Variants in VILL observed in about 807,000 individuals in gnomAD.
VILL encodes the protein villin like.
A neutral mutation model predicts 106.3 loss-of-function variants in VILL; 102 were observed. The ratio of observed to expected loss-of-function variants is 0.96; its 90% confidence interval spans 0.82 to 1.13. The LOEUF is 1.13. VILL is among the 50% of genes most tolerant of loss of function. The pLI is 0.00. For synonymous variants in VILL, 431 were observed against 440.3 expected, an observed-to-expected ratio of 0.98 and a Z score of 0.27; for missense variants, 1,076 against 1,116.6, an observed-to-expected ratio of 0.96 and a Z score of 0.52.
chr3:38,003,078 C>T (rs1346378324), intron 14 of VILL, 90 bp from the exon 15 acceptor site: 1 of 1,497,824 alleles, frequency 6.7e-7, no homozygotes, highest in Non-Finnish European at 8.9e-7. Context: ...TTGGGCCCAG[C>T]CCCACCCCAT....
chr3:38,001,979 T>TTCCTGCTTATCATCCCCTAGTG, intron 13 of VILL, 119 bp downstream of exon 13: 1 of 1,490,038 alleles, frequency 6.7e-7, no homozygotes, highest in Non-Finnish European at 9.1e-7. Flanking sequence ...ATCCCCTAGT[T>TTCCTGCTTATCATCCCCTAGTG]TCCCAGAGCT....
Position 38,004,275 on chromosome 3 carries a change from G to C in VILL, c.1826G>C (p.Ser609Thr). The change falls in exon 16 of 20, where the codon AGC becomes ACC. Residue 609 changes from serine to threonine, a missense_variant. Transcript: ENST00000383759. ...GCCAGGCTCCCTGAGGAGGTCCCCA[G>C]CTTCCAGCCACGACTGTTTGAGTGC... ...SNKRLPEEVPSFQPRLFECSS... is the reference protein window; with the variant it reads ...SNKRLPEEVPTFQPRLFECSS... 1 of 1,612,788 alleles carries C rather than the reference G, an allele frequency of 6.2e-7. No individual in the cohort carries two copies. The highest frequency in any genetic ancestry group is 8.5e-7 in the Non-Finnish European group (1 of 1,178,868).
intron 19 of VILL, 81 bp from the exon 20 acceptor site, chr3:38,006,861 T>G: frequency 1.3e-6 from 2 of 1,511,910 alleles, no homozygotes; most frequent in Middle Eastern, 3.5e-4. Flanking sequence ...AAGCCCTGGA[T>G]GACTGACACT....
intron 18 of VILL, 59 bp from the exon 19 acceptor site, chr3:38,006,390 G>A (rs566820819): frequency 1.5e-5 from 23 of 1,585,030 alleles, no homozygotes; most frequent in Non-Finnish European, 1.8e-5. Context: ...GTTCAGTGCA[G>A]CCTCCCTGTG....
intron 12 of VILL, 46 bp downstream of exon 12, chr3:38,001,639 C>T (rs1292681024): frequency 1.2e-5 from 19 of 1,613,346 alleles, no homozygotes; most frequent in Non-Finnish European, 1.5e-5. Context: ...AGCCCAAGGG[C>T]TGGGCTCTGG....
rs751057004 is a variant in VILL at position 38,003,215 on chromosome 3, C to T, written c.1707C>T (p.Val569=). The change falls in exon 15 of 20, where the codon GTC becomes GTT. Residue 569 remains valine, a synonymous_variant. Transcript: ENST00000383759. ...QREMARVVVT[V]ISRKNEETVL... is the part of the protein sequence containing the mutation. ...AGATGGCACGGGTGGTGGTCACTGT[C>T]ATTTCCAGGAAGAATGAGGAAACGG... 1.4e-5 allele frequency: 23 copies of T among 1,613,916 alleles called. No homozygotes were observed. Among genetic ancestry groups the T allele is most frequent in the Middle Eastern group, 1.6e-4 (1 of 6,082 alleles).
At chr3:37,991,592 G>C (rs956176067) in intron 1 of VILL, among the ~76,000 whole-genome samples, 2 of 152,014 alleles carry the variant, frequency 1.3e-5, no homozygotes, top group African/African-American at 4.8e-5. Flanking sequence ...GGGGCATGGG[G>C]AGAGAAAGGG....
At position 38,003,267 on chromosome 3, in the gene VILL, T is replaced by C; in HGVS notation, c.1759T>C (p.Phe587Leu). 6.2e-7 allele frequency: 1 copy of C among 1,613,558 alleles called. No individual in the cohort carries two copies. The highest frequency in any genetic ancestry group is 8.5e-7 in the Non-Finnish European group (1 of 1,179,792). Residue 587 changes from phenylalanine (F) to leucine (L), a missense_variant, in exon 15 of 20, where the codon TTC (phenylalanine) becomes CTC (leucine). Phe to Leu is a conservative substitution (Grantham distance 22, BLOSUM62 0). Transcript: ENST00000383759. ...GCTGGAGGGTCAGGAGCCTCCCCACTTCTGGGAGGCCCTGGGAGGCCGGGC... is the reference window on the plus strand; with the variant it reads ...GCTGGAGGGTCAGGAGCCTCCCCACCTCTGGGAGGCCCTGGGAGGCCGGGC... Reference protein sequence around the residue: ...TVLEGQEPPHFWEALGGRAPY... With the variant: ...TVLEGQEPPHLWEALGGRAPY...
intron 5 of VILL, among the ~76,000 whole-genome samples, chr3:37,996,588 C>A (rs1699705738): frequency 6.6e-6 from 1 of 152,216 alleles, no homozygotes; most frequent in South Asian, 2.1e-4. Context: ...GACAATCCCA[C>A]ATAGGCTCTG....
At chr3:38,002,950 C>G (rs1699846163) in intron 14 of VILL, 2 of 604,374 alleles carry the variant, frequency 3.3e-6, no homozygotes, top group Non-Finnish European at 5.6e-6. Context: ...ATCCCATGCT[C>G]TGGACCCTGC....
rs546539660 is a variant in VILL, at chr3:38,003,969, G to A, written c.1806-286G>A. 9.7e-5 allele frequency: 32 copies of A among 330,088 alleles called. 1 individual carries two copies. The highest frequency in any genetic ancestry group is 8.7e-4 in the Admixed American group (20 of 23,084). 20.4% of individuals were successfully genotyped at this position (330,088 alleles called of 1,614,324 possible). ...GAGCTCCTCCCATCCCAGGGAGGGC[G>A]AGACTCCAGCTCAGGCCCTCCCCTA... On this transcript the variant is annotated intron_variant, in intron 15 of 19. Transcript: ENST00000383759.
At position 37,993,736 on chromosome 3, in the gene VILL, A is replaced by C; in HGVS notation, c.60+4A>C. The C allele has an allele frequency of 6.2e-7, 1 of 1,613,996 alleles. No homozygotes were observed. Among genetic ancestry groups the C allele is most frequent in the Non-Finnish European group, 8.5e-7 (1 of 1,179,926 alleles). ...CCTCCACATATGGATCTCTGAGGTG[A>C]GAGGCACGACCAAATAGGAGAGTTG... On this transcript the variant is annotated splice_donor_region_variant and intron_variant, in intron 2 of 19. Coordinates refer to ENST00000383759, the MANE Select transcript of VILL (RefSeq NM_015873.4).
rs1252846644 is a variant in VILL at position 37,997,085 on chromosome 3, C to T, written c.459C>T (p.Leu153=). 3 of 1,613,874 alleles carry T rather than the reference C, an allele frequency of 1.9e-6. No homozygotes were observed. The highest frequency in any genetic ancestry group is 2.7e-5 in the African/African-American group (2 of 74,910). ...RKHVSATEVE[L]SWNSFNKGDI... ...CTCCCTGGCTCTGGCAGGTGGAGCT[C>T]TCCTGGAACAGCTTTAATAAGGGTG... The change falls in exon 6 of 20, where the codon CTC becomes CTT. Residue 153 remains leucine, a synonymous_variant. Transcript: ENST00000383759. The surrounding 1 kb of genome is among the most constrained non-coding windows in gnomAD (Gnocchi z 4.7).
chr3:38,002,088 G>T, intron 13 of VILL: 1 of 740,586 alleles, frequency 1.4e-6, no homozygotes, highest in South Asian at 1.8e-5. Flanking sequence ...GGAGCCAGGG[G>T]CTTGCCTGGG....
chr3:38,006,239 C>G lies in VILL; in HGVS notation c.2192C>G (p.Ser731Cys). The G allele has an allele frequency of 6.2e-7, 1 of 1,614,240 alleles. No individual in the cohort carries two copies. Among genetic ancestry groups the G allele is most frequent in the Non-Finnish European group, 8.5e-7 (1 of 1,180,034 alleles). Residue 731 changes from serine to cysteine, a missense_variant, in exon 18 of 20, where the codon TCT becomes TGT. Coordinates refer to ENST00000383759, the MANE Select transcript of VILL (RefSeq NM_015873.4). ...DGSPAAASTI[S>C]EITAEVNNLR... ...AGCCCGGCAGCAGCATCAACCATCT[C>G]TGAGATAACAGCAGTGAGTCCTGGG...
rs1348252324 is a variant in VILL, at chr3:37,997,973, C to T, written c.765-117C>T. ...TAAAAGTGAAGACTACAACTCGGGG[C>T]CCCAGCCCCCATGCCTTCTGTCTCT... On this transcript the variant is annotated intron_variant, in intron 7 of 19. Coordinates refer to ENST00000383759, the MANE Select transcript of VILL (RefSeq NM_015873.4). This position sits in a 1 kb window ranked among gnomAD's most constrained non-coding sequence, Gnocchi z 4.7. 14 of 1,125,194 alleles carry T rather than the reference C, an allele frequency of 1.2e-5. No individual in the cohort carries two copies. Among genetic ancestry groups the T allele is most frequent in the Middle Eastern group, 2.7e-4 (1 of 3,746 alleles). 69.7% of individuals were successfully genotyped at this position (1,125,194 alleles called of 1,614,324 possible).
rs1460033525 is a variant in VILL at position 37,998,222 on chromosome 3, C to T, written c.844-44C>T. On this transcript the variant is annotated intron_variant, in intron 8 of 19. Coordinates refer to ENST00000383759, the MANE Select transcript of VILL (RefSeq NM_015873.4). This position sits in a 1 kb window ranked among gnomAD's most constrained non-coding sequence, Gnocchi z 4.1. ...CATCCTTCCCCATCCACAACCCCAG[C>T]CCAGTCTGGACCACCTACTGACCAG... is the stretch of plus-strand genomic sequence containing the variant. The T allele has an allele frequency of 1.2e-6, 2 of 1,613,498 alleles. No individual in the cohort carries two copies. Among genetic ancestry groups the T allele is most frequent in the African/African-American group, 2.7e-5 (2 of 74,924 alleles).
chr3:37,996,039 T>G (rs1699694694), intron 5 of VILL, among the ~76,000 whole-genome samples, 192 bp downstream of exon 5: 2 of 152,306 alleles, frequency 1.3e-5, no homozygotes, highest in South Asian at 4.1e-4. Flanking sequence ...TCCCCGGACC[T>G]TTTGTTTATG....
chr3:38,002,365 T>C (rs1306100595), intron 13 of VILL, 31 bp from the exon 14 acceptor site: 2 of 1,565,434 alleles, frequency 1.3e-6, no homozygotes, highest in Middle Eastern at 1.7e-4. Context: ...CTGGGAGCCC[T>C]TGCCCAGCCT....
Sources: allele counts gnomAD v4.1 joint callset (sites outside exome capture counted in the v4.1 genomes callset), GRCh38; gene constraint gnomAD v4.1.1; non-coding constraint Gnocchi (gnomAD v3.1); transcripts MANE v1.5; gene names NCBI Gene and HGNC (gene_info 2026-07-23, HGNC 2026-07-21).